Variants in CAMTA1 observed in about 807,000 individuals in gnomAD.
The protein encoded by CAMTA1 is calmodulin-binding transcription activator 1.
CAMTA1 carries 27 observed loss-of-function variants against 170.9 expected under a neutral mutation model. The observed-to-expected ratio is 0.16, with a 90% CI of 0.12 to 0.22. The LOEUF is 0.22. Among genes scored for constraint, CAMTA1 ranks in the 10% least tolerant of loss-of-function variants. The probability of loss-of-function intolerance (pLI) is 1.00; values close to 1 mark genes in which losing one functional copy is unlikely to be tolerated. For synonymous variants in CAMTA1, 833 were observed against 891.5 expected, an observed-to-expected ratio of 0.93 and a Z score of 1.17; for missense variants, 1,619 against 2,217.2, an observed-to-expected ratio of 0.73 and a Z score of 5.42.
chr1:7,339,033 G>A (rs966926330), intron 5 of CAMTA1, among the ~76,000 whole-genome samples: 2 of 152,132 alleles, frequency 1.3e-5, no homozygotes, highest in African/African-American at 4.8e-5. Flanking sequence ...ACTGGATGTG[G>A]TGAGAACTCA....
At position 7,517,244 on chromosome 1, in the gene CAMTA1, G is replaced by A. The variant is rs574710704; in HGVS notation, c.510+49343G>A. Reference sequence around the variant, plus strand: ...CCTAATTACTCATCATTAATAACCAGGATCCTTCTAATTATCCTTTTCATG... The same window carrying A: ...CCTAATTACTCATCATTAATAACCAAGATCCTTCTAATTATCCTTTTCATG... On this transcript the variant is annotated intron_variant, in intron 6 of 22. Coordinates refer to ENST00000303635, the MANE Select transcript of CAMTA1 (RefSeq NM_015215.4). Among the ~76,000 whole-genome samples, 14 of 152,240 alleles carry A rather than the reference G, an allele frequency of 9.2e-5. No homozygotes were observed. The East Asian group carries it at 2.7e-3, about 29-fold the overall frequency.
chr1:7,242,109 C>T (rs1440978963), intron 4 of CAMTA1, among the ~76,000 whole-genome samples: 1 of 152,090 alleles, frequency 6.6e-6, no homozygotes, highest in African/African-American at 2.4e-5. Context: ...ACTCAAAAAA[C>T]AAGAAGGCAA....
chr1:7,446,919 G>A (rs537845120), intron 5 of CAMTA1, among the ~76,000 whole-genome samples: 39 of 152,300 alleles, frequency 2.6e-4, no homozygotes, highest in African/African-American at 8.9e-4. Context: ...CAGTGGGCAG[G>A]ACATGTGGCA....
At chr1:6,786,769 C>A (rs762546042) in intron 1 of CAMTA1, among the ~76,000 whole-genome samples, 1 of 152,164 alleles carries the variant, frequency 6.6e-6, no homozygotes, top group Admixed American at 6.5e-5. Context: ...TCTCTCTTCT[C>A]GGAGTTCCTT....
At chr1:6,953,451 C>T (rs181274823) in intron 3 of CAMTA1, among the ~76,000 whole-genome samples, 223 of 152,346 alleles carry the variant, frequency 1.5e-3, no homozygotes, top group African/African-American at 5.1e-3. Flanking sequence ...CCATCATACC[C>T]GGAGGCTGTG....
rs547066699 is a variant in CAMTA1 at position 7,252,504 on chromosome 1, G to T, written c.438+2878G>T. On this transcript the variant is annotated intron_variant, in intron 5 of 22. Transcript: ENST00000303635. ...GACCAAGGGTGGGGAAGCCCAGGGG[G>T]TGTGCTCTGGCACAGTGGGTGGTTG... Among the ~76,000 whole-genome samples, 6 of 152,346 alleles carry T rather than the reference G, an allele frequency of 3.9e-5. No individual in the cohort carries two copies. In the South Asian group the frequency reaches 8.3e-4, roughly 21 times the overall value.
intron 5 of CAMTA1, among the ~76,000 whole-genome samples, chr1:7,431,700 C>T (rs1048602205): frequency 1.3e-5 from 2 of 152,198 alleles, no homozygotes; most frequent in African/African-American, 4.8e-5. Context: ...GATCAGGTCC[C>T]CTTAGGTGAA....
intron 5 of CAMTA1, among the ~76,000 whole-genome samples, chr1:7,313,476 T>C (rs1347388885): frequency 6.6e-6 from 1 of 152,238 alleles, no homozygotes; most frequent in African/African-American, 2.4e-5. Context: ...GACGTCCTCG[T>C]TAGGGATCTT....
At chr1:6,812,955 C>T (rs550308439) in intron 1 of CAMTA1, among the ~76,000 whole-genome samples, 33 of 152,294 alleles carry the variant, frequency 2.2e-4, no homozygotes, top group Non-Finnish European at 4.6e-4. Flanking sequence ...GCCCCAATTA[C>T]CTTAGAGGTT....
intron 6 of CAMTA1, among the ~76,000 whole-genome samples, chr1:7,512,110 A>G (rs1409954081): frequency 6.6e-6 from 1 of 152,172 alleles, no homozygotes; most frequent in African/African-American, 2.4e-5. Context: ...AGCTCATGAA[A>G]GTGCTTTCAT....
Position 7,533,014 on chromosome 1 carries a change from G to T in CAMTA1, c.510+65113G>T, listed in dbSNP as rs144717300. ...TGAGGGTCCCAATAATTAGTACGTTGTTTTCCCTGCCTGAGTTCTGAACCT... is the reference window on the plus strand; with the variant it reads ...TGAGGGTCCCAATAATTAGTACGTTTTTTTCCCTGCCTGAGTTCTGAACCT... On this transcript the variant is annotated intron_variant, in intron 6 of 22. Transcript: ENST00000303635. Among the ~76,000 whole-genome samples the T allele has an allele frequency of 2.2e-3, 334 of 152,322 alleles. 2 individuals are homozygous for T. The highest frequency in any genetic ancestry group is 7.6e-3 in the African/African-American group (316 of 41,566).
chr1:7,433,267 C>T (rs779469881), intron 5 of CAMTA1, among the ~76,000 whole-genome samples: 3 of 152,248 alleles, frequency 2.0e-5, no homozygotes, highest in Non-Finnish European at 4.4e-5. Flanking sequence ...CTGCATCCTC[C>T]ACCTGGGCAT....
intron 6 of CAMTA1, among the ~76,000 whole-genome samples, chr1:7,541,525 G>A (rs1226181290): frequency 1.3e-5 from 2 of 152,228 alleles, no homozygotes; most frequent in Non-Finnish European, 2.9e-5. Flanking sequence ...GCTGCCCAAG[G>A]TGCACGGAAT....
Position 7,041,935 on chromosome 1 carries a change from T to G in CAMTA1, c.235-49369T>G, listed in dbSNP as rs1171814741. ...TGTGCAGGGGTTAACGTCTGAATGC[T>G]CTGATCTGGAAGCTTCTAGAAGCTC... On this transcript the variant is annotated intron_variant, in intron 3 of 22. Transcript: ENST00000303635. The surrounding 1 kb of genome is among the most constrained non-coding windows in gnomAD (Gnocchi z 5.1). 2.6e-5 allele frequency among the ~76,000 whole-genome samples: 4 copies of G among 152,178 alleles called. No homozygotes were observed. Among genetic ancestry groups the G allele is most frequent in the Admixed American group, 2.0e-4 (3 of 15,276 alleles).
chr1:7,020,672 G>T (rs1701211619), intron 3 of CAMTA1, among the ~76,000 whole-genome samples: 1 of 152,224 alleles, frequency 6.6e-6, no homozygotes, highest in African/African-American at 2.4e-5. Flanking sequence ...CTGATTCAGT[G>T]CTGGGGGCAG....
At chr1:7,340,904 G>A (rs762066788) in intron 5 of CAMTA1, among the ~76,000 whole-genome samples, 14 of 152,142 alleles carry the variant, frequency 9.2e-5, no homozygotes, top group African/African-American at 1.7e-4. Flanking sequence ...AAACCCATAC[G>A]TAGTCCACAA....
At chr1:6,865,978 A>C (rs957634367) in intron 3 of CAMTA1, among the ~76,000 whole-genome samples, 1 of 152,204 alleles carries the variant, frequency 6.6e-6, no homozygotes, top group Non-Finnish European at 1.5e-5. Flanking sequence ...AAAAAATGTA[A>C]TAGTCTTTAG....
At chr1:7,433,559 A>G (rs1020734494) in intron 5 of CAMTA1, among the ~76,000 whole-genome samples, 2 of 152,168 alleles carry the variant, frequency 1.3e-5, no homozygotes, top group Non-Finnish European at 2.9e-5. Context: ...TACCTCACCA[A>G]CGGAGAAAAA....
chr1:7,182,459 A>G (rs1468893317), intron 4 of CAMTA1, among the ~76,000 whole-genome samples: 1 of 149,704 alleles, frequency 6.7e-6, no homozygotes, highest in African/African-American at 2.5e-5. Flanking sequence ...GTGCCACTGT[A>G]CTCCGGCCTG....
Sources: allele counts gnomAD v4.1 joint callset (sites outside exome capture counted in the v4.1 genomes callset), GRCh38; gene constraint gnomAD v4.1.1; non-coding constraint Gnocchi (gnomAD v3.1); transcripts MANE v1.5; gene names NCBI Gene and HGNC (gene_info 2026-07-23, HGNC 2026-07-21).